The following XKR6 variants were observed in gnomAD, a reference collection of about 807,000 sequenced individuals.
XKR6 encodes the protein XK-related protein 6.
In XKR6, 22 loss-of-function variants were observed where a neutral mutation model predicts 56.7. The observed-to-expected ratio is 0.39, with a 90% CI of 0.28 to 0.55. The LOEUF (loss-of-function observed/expected upper bound fraction) is 0.55. Ranked by LOEUF, XKR6 falls within the 20% of genes least tolerant of loss-of-function variation. The pLI is 0.66. For missense variants in XKR6, 852 were observed against 889.0 expected (o/e 0.96, Z 0.53); for synonymous variants, 524 against 387.8 (o/e 1.35, Z -4.13).
intron 1 of XKR6, among the ~76,000 whole-genome samples, chr8:11,019,550 A>G (rs1399651924): frequency 6.6e-6 from 1 of 152,220 alleles, no homozygotes; most frequent in African/African-American, 2.4e-5. Flanking sequence ...GGACTCAGGA[A>G]CAGGCTGCTA....
chr8:11,025,686 C>G (rs1271462951), intron 1 of XKR6, among the ~76,000 whole-genome samples: 1 of 152,202 alleles, frequency 6.6e-6, no homozygotes, highest in Middle Eastern at 3.2e-3. Flanking sequence ...TGTTAATATA[C>G]ATCATGGTGC....
intron 1 of XKR6, among the ~76,000 whole-genome samples, chr8:11,112,680 T>C (rs1798962027): frequency 6.6e-6 from 1 of 152,206 alleles, no homozygotes; most frequent in Non-Finnish European, 1.5e-5. Context: ...CACACTGGTT[T>C]TTCTTTAAGA....
At chr8:10,995,297 T>C (rs1474001827) in intron 1 of XKR6, among the ~76,000 whole-genome samples, 1 of 151,500 alleles carries the variant, frequency 6.6e-6, no homozygotes, top group East Asian at 1.9e-4. Context: ...GGTGGATCAC[T>C]TGAACCCAGG....
chr8:11,026,379 T>A lies in XKR6; in HGVS notation c.765-101549A>T, dbSNP rs745975262. Among the ~76,000 whole-genome samples the A allele has an allele frequency of 9.6e-4, 146 of 151,444 alleles. 1 individual carries two copies. Among genetic ancestry groups the A allele is most frequent in the Non-Finnish European group, 1.8e-3 (121 of 67,918 alleles). The stretch of plus-strand genomic sequence containing the variant: ...TACTACACACCTAAATGGTCTGGCC[T>A]ACTACACACTTAGATGGTCTAGCCT... On this transcript the variant is annotated intron_variant, in intron 1 of 2. Coordinates refer to ENST00000416569, the MANE Select transcript of XKR6 (RefSeq NM_173683.4).
intron 1 of XKR6, among the ~76,000 whole-genome samples, chr8:11,086,149 T>TATATATATATATATATATATATATATATA (rs1554454135): frequency 2.0e-5 from 2 of 100,770 alleles, no homozygotes; most frequent in African/African-American, 6.9e-5. Context: ...TATATATATA[T>TATATATATATATATATATATATATATATA]TTTTTTTTAA....
At chr8:11,008,483 C>T (rs1798425015) in intron 1 of XKR6, among the ~76,000 whole-genome samples, 1 of 146,200 alleles carries the variant, frequency 6.8e-6, no homozygotes, top group African/African-American at 2.6e-5. Context: ...CGCAGAGGCA[C>T]AATCTTTGCT....
intron 1 of XKR6, among the ~76,000 whole-genome samples, chr8:10,946,779 C>T (rs1052271839): frequency 1.3e-5 from 2 of 152,120 alleles, no homozygotes; most frequent in Non-Finnish European, 1.5e-5. Context: ...AGGAGACACG[C>T]CTCAGGAGCT....
chr8:11,118,442 C>T (rs1266410758), intron 1 of XKR6, among the ~76,000 whole-genome samples: 1 of 152,132 alleles, frequency 6.6e-6, no homozygotes, highest in South Asian at 2.1e-4. Flanking sequence ...TGGTCCTGGA[C>T]TTTTTTTAGT....
chr8:11,159,791 C>T (rs1801703217), intron 1 of XKR6, among the ~76,000 whole-genome samples: 1 of 152,186 alleles, frequency 6.6e-6, no homozygotes, highest in African/African-American at 2.4e-5. Context: ...CAAGGAGGGG[C>T]AACTTCTAGA....
chr8:11,191,021 G>T (rs150053231), intron 1 of XKR6, among the ~76,000 whole-genome samples: 1 of 152,092 alleles, frequency 6.6e-6, no homozygotes, highest in Non-Finnish European at 1.5e-5. Context: ...CAAGTTTACT[G>T]CAAGTATCAC....
At chr8:11,086,878 G>C (rs1448282755) in intron 1 of XKR6, among the ~76,000 whole-genome samples, 2 of 152,354 alleles carry the variant, frequency 1.3e-5, no homozygotes, top group Non-Finnish European at 2.9e-5. Context: ...ATTCGAAACA[G>C]AACAGAGGCG....
chr8:10,997,305 T>A (rs978856755), intron 1 of XKR6, among the ~76,000 whole-genome samples: 1 of 152,184 alleles, frequency 6.6e-6, no homozygotes, highest in East Asian at 1.9e-4. Context: ...TTTAACTCCT[T>A]TAATCCTCAG....
intron 1 of XKR6, among the ~76,000 whole-genome samples, chr8:11,148,489 C>T (rs1231023916): frequency 1.3e-5 from 2 of 152,160 alleles, no homozygotes; most frequent in South Asian, 2.1e-4. Flanking sequence ...GTTGTTTAAG[C>T]GCCCCAGTTT....
Position 11,157,531 on chromosome 8 carries a change from T to C in XKR6, c.764+43045A>G, listed in dbSNP as rs189440664. Among the ~76,000 whole-genome samples the C allele has an allele frequency of 5.7e-4, 86 of 151,172 alleles. 2 individuals are homozygous for C. The East Asian group carries it at 0.014, about 25-fold the overall frequency. ...GTATGTATGTATGTATGTATGATTT[T>C]TAGAGATGCAGTCTCTCTCTGTTGC... On this transcript the variant is annotated intron_variant, in intron 1 of 2. Transcript: ENST00000416569.
chr8:11,020,205 T>C (rs1798718845), intron 1 of XKR6, among the ~76,000 whole-genome samples: 1 of 152,096 alleles, frequency 6.6e-6, no homozygotes, highest in Admixed American at 6.5e-5. Flanking sequence ...TCTTGGGAGT[T>C]GAGTTCAGGC....
intron 1 of XKR6, among the ~76,000 whole-genome samples, chr8:11,008,165 C>T (rs1246669552): frequency 3.9e-5 from 6 of 152,322 alleles, no homozygotes; most frequent in Middle Eastern, 3.4e-3. Context: ...CAAATACCCT[C>T]GGTGGCTTCT....
chr8:11,087,081 TG>T (rs1261986166), intron 1 of XKR6, among the ~76,000 whole-genome samples: 1 of 152,202 alleles, frequency 6.6e-6, no homozygotes, highest in African/African-American at 2.4e-5. Flanking sequence ...TCCCCAGTCC[TG>T]CCCTCACTCT....
intron 1 of XKR6, among the ~76,000 whole-genome samples, chr8:11,012,526 C>G (rs1265483578): frequency 1.3e-5 from 2 of 152,166 alleles, no homozygotes; most frequent in South Asian, 2.1e-4. Flanking sequence ...CCATCGACAG[C>G]AGTCCCTGGC....
chr8:11,065,989 G>T (rs543014324), intron 1 of XKR6, among the ~76,000 whole-genome samples: 1 of 152,222 alleles, frequency 6.6e-6, no homozygotes, highest in African/African-American at 2.4e-5. Flanking sequence ...ATGGCAAAGG[G>T]GTTGGGGAAG....
Sources: allele counts gnomAD v4.1 joint callset (sites outside exome capture counted in the v4.1 genomes callset), GRCh38; gene constraint gnomAD v4.1.1; transcripts MANE v1.5; gene names NCBI Gene and HGNC (gene_info 2026-07-23, HGNC 2026-07-21).